The following CUL9 variants were observed in gnomAD, a reference collection of about 807,000 sequenced individuals.
CUL9 encodes the protein cullin-9.
In CUL9, 79 loss-of-function variants were observed where a neutral mutation model predicts 272.6. The observed-to-expected ratio is 0.29, with a 90% confidence interval of 0.24 to 0.35. The LOEUF (loss-of-function observed/expected upper bound fraction) is 0.35, where lower values mean the gene tolerates loss of function less well. Among genes scored for constraint, CUL9 ranks in the 10% least tolerant of loss-of-function variants. The pLI is 1.00. For missense variants in CUL9, 2,532 were observed against 3,255.6 expected, an observed-to-expected ratio of 0.78 and a Z score of 5.41; for synonymous variants, 1,186 against 1,286.5, an observed-to-expected ratio of 0.92 and a Z score of 1.67.
chr6:43,187,592 T>A, intron 6 of CUL9, 121 bp from the exon 7 acceptor site: 1 of 1,334,656 alleles, frequency 7.5e-7, no homozygotes, highest in Non-Finnish European at 1.0e-6. Flanking sequence ...AGGCAAGTGC[T>A]GTGAGGGTCT....
At chr6:43,208,109 G>A (rs566510880) in intron 26 of CUL9, among the ~76,000 whole-genome samples, 9 of 152,192 alleles carry the variant, frequency 5.9e-5, no homozygotes, top group South Asian at 2.1e-4. Context: ...TTTCTGCACC[G>A]TTCAGTATGA....
chr6:43,198,547 C>T lies in CUL9; in HGVS notation c.2804-62C>T, dbSNP rs1483349926. On this transcript the variant is annotated intron_variant, in intron 11 of 40. Coordinates refer to ENST00000252050, the MANE Select transcript of CUL9 (RefSeq NM_015089.4). ...TGATTTTCTGGACCTTCCCAGTTCT[C>T]AGTTTGACAAACTGGTAAGACTCTT... 6 of 1,585,568 alleles carry T rather than the reference C, an allele frequency of 3.8e-6. No homozygotes were observed. In the East Asian group the frequency reaches 1.4e-4, roughly 36 times the overall value.
At chr6:43,222,437 G>A (rs1232149620) in intron 36 of CUL9, 47 bp downstream of exon 36, 13 of 1,596,920 alleles carry the variant, frequency 8.1e-6, no homozygotes, top group Non-Finnish European at 5.2e-6. Flanking sequence ...AAGCAGGTTG[G>A]GGTGGTGGGG....
At chr6:43,215,412 T>A (rs376481249) in intron 30 of CUL9, 86 bp downstream of exon 30, 1 of 1,482,736 alleles carries the variant, frequency 6.7e-7, no homozygotes, top group East Asian at 2.3e-5. Context: ...ACACTTCCCT[T>A]CTTTCTTTGT....
At position 43,221,592 on chromosome 6, in the gene CUL9, A is replaced by G; in HGVS notation, c.6753-93A>G. 1 of 1,187,466 alleles carries G rather than the reference A, an allele frequency of 8.4e-7. No homozygotes were observed. Among genetic ancestry groups the G allele is most frequent in the Non-Finnish European group, 1.2e-6 (1 of 823,082 alleles). 73.6% of individuals were successfully genotyped at this position (1,187,466 alleles called of 1,614,324 possible). ...GACTATCAGGGCAGGAGCAGAGGCC[A>G]CAGCATCAACAGCGGTACATCTGGG... On this transcript the variant is annotated intron_variant, in intron 34 of 40. Transcript: ENST00000252050. This position sits in a 1 kb window ranked among gnomAD's most constrained non-coding sequence, Gnocchi z 4.2.
intron 26 of CUL9, among the ~76,000 whole-genome samples, chr6:43,211,862 G>T (rs1400806760): frequency 6.6e-6 from 1 of 152,054 alleles, no homozygotes; most frequent in Non-Finnish European, 1.5e-5. Flanking sequence ...CTTGTATGAA[G>T]TATACAGTCA....
intron 8 of CUL9, 114 bp downstream of exon 8, chr6:43,188,829 T>C: frequency 1.2e-6 from 1 of 867,212 alleles, no homozygotes; most frequent in Non-Finnish European, 1.7e-6. Context: ...GAGGGAAGGC[T>C]CAGCCTGAGG....
At position 43,221,491 on chromosome 6, in the gene CUL9, C is replaced by T; in HGVS notation, c.6752+170C>T. On this transcript the variant is annotated intron_variant, in intron 34 of 40. Transcript: ENST00000252050. The surrounding 1 kb of genome is among the most constrained non-coding windows in gnomAD (Gnocchi z 4.2). ...CTTCCTGGATCTTAATGTTCCTTCT[C>T]CCACTCGTAAGTCCACACTGACTGG... 2 of 923,884 alleles carry T rather than the reference C, an allele frequency of 2.2e-6. No individual in the cohort carries two copies. The highest frequency in any genetic ancestry group is 3.3e-5 in the South Asian group (2 of 60,092). 57.2% of individuals were successfully genotyped at this position (923,884 alleles called of 1,614,324 possible).
At chr6:43,192,059 C>CTTT (rs777284621) in intron 8 of CUL9, among the ~76,000 whole-genome samples, 3,750 of 118,550 alleles carry the variant, frequency 0.032, 352 homozygotes, top group African/African-American at 0.11. Context: ...CCCCTTTTCT[C>CTTT]TTTTTTTTTT....
At chr6:43,195,718 C>T (rs907145473) in intron 9 of CUL9, among the ~76,000 whole-genome samples, 1 of 152,048 alleles carries the variant, frequency 6.6e-6, no homozygotes, top group Non-Finnish European at 1.5e-5. Context: ...CTAGATGCTG[C>T]GAGGGGCACC....
chr6:43,224,313 C>T lies in CUL9; in HGVS notation c.7422C>T (p.Pro2474=), dbSNP rs756641460. ...AGGAAGACGATGAGGATGATGTGCC[C>T]GAGTGGCAGCAGGATGAGTTTGATG... The part of the protein sequence containing the change: ...EEEEDDEDDV[P]EWQQDEFDEE... Residue 2474 remains proline, a synonymous_variant, in exon 41 of 41, where the codon CCC becomes CCT. Transcript: ENST00000252050. The surrounding 1 kb of genome is among the most constrained non-coding windows in gnomAD (Gnocchi z 4.2). 1.1e-5 allele frequency: 18 copies of T among 1,614,038 alleles called. No homozygotes were observed. Among genetic ancestry groups the T allele is most frequent in the African/African-American group, 5.3e-5 (4 of 74,924 alleles).
chr6:43,192,567 T>G (rs577018245), intron 8 of CUL9, among the ~76,000 whole-genome samples: 2 of 152,190 alleles, frequency 1.3e-5, no homozygotes, highest in East Asian at 1.9e-4. Flanking sequence ...TCCCAGCTAC[T>G]CAAGAGGCTG....
chr6:43,185,508 G>A lies in CUL9; in HGVS notation c.648G>A (p.Gln216=). The A allele has an allele frequency of 1.2e-6, 2 of 1,614,032 alleles. No individual in the cohort carries two copies. The highest frequency in any genetic ancestry group is 1.1e-5 in the South Asian group (1 of 91,088). ...TGAGCCAGCAAGATGGCATCGAGCA[G>A]CACATGGATTTTGACAGTCGCTATA... is the stretch of plus-strand genomic sequence containing the variant. ...LSLSQQDGIE[Q]HMDFDSRYTL... is the part of the protein sequence containing the mutation. The change falls in exon 3 of 41, where the codon CAG becomes CAA. Residue 216 remains glutamine, a synonymous_variant. Coordinates refer to ENST00000252050, the MANE Select transcript of CUL9 (RefSeq NM_015089.4).
chr6:43,194,827 G>A (rs1381537607), intron 9 of CUL9, among the ~76,000 whole-genome samples: 1 of 152,156 alleles, frequency 6.6e-6, no homozygotes, highest in Non-Finnish European at 1.5e-5. Context: ...AGACCAAGGC[G>A]GGTGGATCAC....
In CUL9 at chr6:43,184,297, C is replaced by A; in HGVS notation, c.-9-5C>A. The A allele has an allele frequency of 6.9e-7, 1 of 1,459,652 alleles. No individual in the cohort carries two copies. The highest frequency in any genetic ancestry group is 2.4e-5 in the East Asian group (1 of 41,142). 90.4% of individuals were successfully genotyped at this position (1,459,652 alleles called of 1,614,324 possible). A position where few individuals can be genotyped will look rare whatever the true frequency, so the allele number is the denominator to read the frequency against. ...CTGCCTTATCTTTCTCCTTGTGTAT[C>A]CCAGGAGGTCAGGATGGTGGGGGAA... On this transcript the variant is annotated splice_polypyrimidine_tract_variant and splice_region_variant and intron_variant, in intron 1 of 40. Transcript: ENST00000252050. This position sits in a 1 kb window ranked among gnomAD's most constrained non-coding sequence, Gnocchi z 4.8.
At position 43,206,093 on chromosome 6, in the gene CUL9, A is replaced by G. The variant is rs756581760; in HGVS notation, c.4880A>G (p.Asn1627Ser). The change falls in exon 25 of 41, where the codon AAC becomes AGC. Residue 1627 changes from asparagine (N) to serine (S), a missense_variant. Around this residue, in one of 3 missense-constraint regions of CUL9, gnomAD observed 2,218 missense variants for 2,788.6 expected, o/e 0.80. Transcript: ENST00000252050. This position sits in a 1 kb window ranked among gnomAD's most constrained non-coding sequence, Gnocchi z 4.8. Reference protein sequence around the residue: ...VLEQIGLCFPNRLPQLMLQSL... With the variant: ...VLEQIGLCFPSRLPQLMLQSL... ...GAGCAGATTGGCCTCTGTTTTCCCA[A>G]CCGCCTCCCACAGCTGATGCTGCAG... is the stretch of plus-strand genomic sequence containing the variant. 3.3e-5 allele frequency: 54 copies of G among 1,613,986 alleles called. No individual in the cohort carries two copies. In the Middle Eastern group the frequency reaches 4.9e-4, roughly 15 times the overall value.
chr6:43,196,288 T>C, intron 10 of CUL9, 23 bp downstream of exon 10: 1 of 1,600,294 alleles, frequency 6.2e-7, no homozygotes, highest in Non-Finnish European at 8.5e-7. Flanking sequence ...CCTTCCCAAC[T>C]CCAGGCTCCT....
In CUL9 at chr6:43,186,317, C is replaced by A. The variant is rs1772906922; in HGVS notation, c.1113C>A (p.Ser371Arg). 6.2e-7 allele frequency: 1 copy of A among 1,614,098 alleles called. No individual in the cohort carries two copies. Among genetic ancestry groups the A allele is most frequent in the Non-Finnish European group, 8.5e-7 (1 of 1,180,060 alleles). The change falls in exon 4 of 41, where the codon AGC (serine) becomes AGA (arginine). Residue 371 changes from serine to arginine, a missense_variant. By Grantham distance (110) the Ser-to-Arg change is moderately radical (BLOSUM62 -1). Around this residue, in one of 3 missense-constraint regions of CUL9, gnomAD observed 2,218 missense variants for 2,788.6 expected, o/e 0.80. Coordinates refer to ENST00000252050, the MANE Select transcript of CUL9 (RefSeq NM_015089.4). Reference protein sequence around the residue: ...WVFRQRSEFSSRSGYGEYVQQ... With the variant: ...WVFRQRSEFSRRSGYGEYVQQ... ...TCCGCCAGCGCTCTGAATTCTCCAG[C>A]CGTAGTGGCTATGGAGAATATGTGC...
rs1772710430 is a variant in CUL9, at chr6:43,184,214, C to G, written c.-9-88C>G. ...ACCATGCAGCCTACCGATCACCACC[C>G]ACCTTCTCTGTGTCTCAAGATTCCA... On this transcript the variant is annotated intron_variant, in intron 1 of 40. Transcript: ENST00000252050. The surrounding 1 kb of genome is among the most constrained non-coding windows in gnomAD (Gnocchi z 4.8). The G allele has an allele frequency of 1.8e-5, 19 of 1,046,886 alleles. No individual in the cohort carries two copies. Among genetic ancestry groups the G allele is most frequent in the Non-Finnish European group, 2.4e-5 (18 of 757,782 alleles). The allele number at this position is 1,046,886 out of a possible 1,614,324, so 64.8% of individuals were successfully genotyped here.
Sources: allele counts gnomAD v4.1 joint callset (sites outside exome capture counted in the v4.1 genomes callset), GRCh38; gene constraint gnomAD v4.1.1; regional missense constraint gnomAD v4.1.1; non-coding constraint Gnocchi (gnomAD v3.1); transcripts MANE v1.5; gene names NCBI Gene and HGNC (gene_info 2026-07-23, HGNC 2026-07-21).